HOXD8: variants seen among roughly 807,000 people sequenced by gnomAD.
HOXD8 encodes homeobox D8.
A neutral mutation model predicts 25.4 loss-of-function variants in HOXD8; 17 were observed. The observed-to-expected ratio is 0.67, with a 90% CI of 0.46 to 1.00. The LOEUF (loss-of-function observed/expected upper bound fraction) is 1.00, where lower values mean the gene tolerates loss of function less well. Among genes scored for constraint, HOXD8 ranks in the 50% least tolerant of loss-of-function variants. HOXD8 has a pLI of 0.00. For missense variants in HOXD8, 511 were observed against 398.5 expected (o/e 1.28, Z -2.40); for synonymous variants, 203 against 175.3 (o/e 1.16, Z -1.25).
In HOXD8 at chr2:176,131,322, C is replaced by T. The variant is rs1187898745; in HGVS notation, c.583C>T (p.Pro195Ser). The change falls in exon 2 of 2, where the codon CCT (proline) becomes TCT (serine). Residue 195 changes from proline (P) to serine (S), a missense_variant. By Grantham distance (74) the Pro-to-Ser change is moderately conservative. Coordinates refer to ENST00000313173, the MANE Select transcript of HOXD8 (RefSeq NM_019558.4). ...MFPWMRPQAA[P>S]GRRRGRQTYS... ...TTTTTTTTTGTTTTAATCAGCAGCT[C>T]CTGGTAGACGAAGAGGAAGACAAAC... The T allele has an allele frequency of 3.8e-6, 6 of 1,564,948 alleles. No individual in the cohort carries two copies. Among genetic ancestry groups the T allele is most frequent in the Non-Finnish European group, 5.2e-6 (6 of 1,158,974 alleles).
At position 176,130,622 on chromosome 2, in the gene HOXD8, A is replaced by G. The variant is rs1459670649; in HGVS notation, c.256A>G (p.Arg86Gly). The G allele has an allele frequency of 2.0e-6, 3 of 1,511,886 alleles. No individual in the cohort carries two copies. In the African/African-American group the frequency reaches 4.3e-5, roughly 22 times the overall value. 93.7% of individuals were successfully genotyped at this position (1,511,886 alleles called of 1,614,324 possible). The change falls in exon 1 of 2, where the codon AGG (arginine) becomes GGG (glycine). Residue 86 changes from arginine (R) to glycine (G), a missense_variant. Physicochemically the swap from Arg to Gly is moderately radical, Grantham distance 125. Transcript: ENST00000313173. Reference protein sequence around the residue: ...PPPSGTGCGGREGRGQEYFHP... With the variant: ...PPPSGTGCGGGEGRGQEYFHP... ...GCCCTCCGGGACTGGGTGCGGCGGT[A>G]GGGAAGGCCGGGGCCAGGAGTACTT...
Position 176,129,754 on chromosome 2 carries a change from T to G in HOXD8, c.-613T>G. ...CACGCTGACTTTCCGTGCAGTGCTGTGGTGCGAAAATGCCTCGCCGGTGCG... is the reference window on the plus strand; with the variant it reads ...CACGCTGACTTTCCGTGCAGTGCTGGGGTGCGAAAATGCCTCGCCGGTGCG... On this transcript the variant is annotated 5_prime_UTR_variant, in exon 1 of 2. Coordinates refer to ENST00000313173, the MANE Select transcript of HOXD8 (RefSeq NM_019558.4). The G allele has an allele frequency of 3.7e-6, 1 of 270,208 alleles. No individual in the cohort carries two copies. Among genetic ancestry groups the G allele is most frequent in the Non-Finnish European group, 7.7e-6 (1 of 129,780 alleles). The allele number at this position is 270,208 out of a possible 1,614,324, so 16.7% of individuals were successfully genotyped here. A position where few individuals can be genotyped will look rare whatever the true frequency, so the allele number is the denominator to read the frequency against.
Position 176,130,497 on chromosome 2 carries a change from A to C in HOXD8, c.131A>C (p.His44Pro). The change falls in exon 1 of 2, where the codon CAC becomes CCC. Residue 44 changes from histidine to proline, a missense_variant. Transcript: ENST00000313173. ...TTCGCGCCCGAGGTCGGCGGCCGTC[A>C]CGCCGCCGCCGCAGCAGCCCTGCAG... Reference protein sequence around the residue: ...CHFAPEVGGRHAAAAAALQLY... With the variant: ...CHFAPEVGGRPAAAAAALQLY... The C allele has an allele frequency of 2.0e-6, 3 of 1,491,074 alleles. No individual in the cohort carries two copies. Among genetic ancestry groups the C allele is most frequent in the Non-Finnish European group, 2.7e-6 (3 of 1,127,096 alleles). The allele number at this position is 1,491,074 out of a possible 1,614,324, so 92.4% of individuals were successfully genotyped here.
Position 176,131,716 on chromosome 2 carries a change from A to G in HOXD8, c.*104A>G, listed in dbSNP as rs1690119683. The G allele has an allele frequency of 4.5e-6, 3 of 669,036 alleles. No individual in the cohort carries two copies. Among genetic ancestry groups the G allele is most frequent in the Non-Finnish European group, 7.7e-6 (3 of 388,766 alleles). The allele number at this position is 669,036 out of a possible 1,614,324, so 41.4% of individuals were successfully genotyped here. ...TGGAAAGGACCTTACCTGTGTTTCA[A>G]GCTACCTTCATGTCACTGCTCTTGA... On this transcript the variant is annotated 3_prime_UTR_variant, in exon 2 of 2. Coordinates refer to ENST00000313173, the MANE Select transcript of HOXD8 (RefSeq NM_019558.4).
intron 1 of HOXD8, 100 bp downstream of exon 1, chr2:176,131,043 CCTT>C: frequency 1.2e-6 from 1 of 831,862 alleles, no homozygotes; most frequent in South Asian, 1.8e-5. Flanking sequence ...CCCTCCTTTT[CCTT>C]CTTGTGTAGC....
Position 176,130,783 on chromosome 2 carries a change from C to G in HOXD8, c.417C>G (p.Tyr139Ter). The change falls in exon 1 of 2, where the codon TAC (tyrosine) becomes TAG (stop). Residue 139 changes from tyrosine (Y) to a stop codon, truncating the protein, a stop_gained. Coordinates refer to ENST00000313173, the MANE Select transcript of HOXD8 (RefSeq NM_019558.4). LOFTEE classifies it high-confidence loss of function. ...GGGAGCCCGCGAAGTTTTACGGATACGATAACTTACAGAGACAGCCGATTT... is the reference window on the plus strand; with the variant it reads ...GGGAGCCCGCGAAGTTTTACGGATAGGATAACTTACAGAGACAGCCGATTT... ...CHGEPAKFYG[Y>*]DNLQRQPIFT... is the part of the protein sequence containing the mutation. 2 of 1,612,246 alleles carry G rather than the reference C, an allele frequency of 1.2e-6. No homozygotes were observed. The highest frequency in any genetic ancestry group is 1.7e-6 in the Non-Finnish European group (2 of 1,179,348).
In HOXD8 at chr2:176,130,328, G is replaced by T; in HGVS notation, c.-39G>T. 1 of 1,345,580 alleles carries T rather than the reference G, an allele frequency of 7.4e-7. No individual in the cohort carries two copies. The highest frequency in any genetic ancestry group is 3.2e-5 in the East Asian group (1 of 31,740). 83.4% of individuals were successfully genotyped at this position (1,345,580 alleles called of 1,614,324 possible). A position where few individuals can be genotyped will look rare whatever the true frequency, so the allele number is the denominator to read the frequency against. On this transcript the variant is annotated 5_prime_UTR_variant, in exon 1 of 2. Coordinates refer to ENST00000313173, the MANE Select transcript of HOXD8 (RefSeq NM_019558.4). ...GAGGCTCGCTCTCTGGCTGCTTAGC[G>T]CCGCCCGCCCGCCCGGGGCCGCCGC...
rs1030301435 is a variant in HOXD8 at position 176,130,493 on chromosome 2, C to T, written c.127C>T (p.Arg43Cys). The T allele has an allele frequency of 1.6e-4, 241 of 1,491,464 alleles. No individual in the cohort carries two copies. Among genetic ancestry groups the T allele is most frequent in the Non-Finnish European group, 2.0e-4 (225 of 1,127,354 alleles). 92.4% of individuals were successfully genotyped at this position (1,491,464 alleles called of 1,614,324 possible). A position where few individuals can be genotyped will look rare whatever the true frequency, so the allele number is the denominator to read the frequency against. Residue 43 changes from arginine (R) to cysteine (C), a missense_variant, in exon 1 of 2, where the codon CGT (arginine) becomes TGT (cysteine). By Grantham distance (180) the Arg-to-Cys change is radical. Transcript: ENST00000313173. ...DCHFAPEVGGRHAAAAAALQL... is the reference protein window; with the variant it reads ...DCHFAPEVGGCHAAAAAALQL... ...TCACTTCGCGCCCGAGGTCGGCGGC[C>T]GTCACGCCGCCGCCGCAGCAGCCCT...
At position 176,130,550 on chromosome 2, in the gene HOXD8, C is replaced by T. The variant is rs1690069768; in HGVS notation, c.184C>T (p.Pro62Ser). 6.8e-7 allele frequency: 1 copy of T among 1,470,014 alleles called. No individual in the cohort carries two copies. Among genetic ancestry groups the T allele is most frequent in the Middle Eastern group, 1.8e-4 (1 of 5,510 alleles). The allele number at this position is 1,470,014 out of a possible 1,614,324, so 91.1% of individuals were successfully genotyped here. Reference sequence around the variant, plus strand: ...CTATGGCAACAGCGCCGCCGGCTTCCCGCACGCGCCCCCGCAGGCGCACGC... The same window carrying T: ...CTATGGCAACAGCGCCGCCGGCTTCTCGCACGCGCCCCCGCAGGCGCACGC... ...QLYGNSAAGF[P>S]HAPPQAHAHP... The change falls in exon 1 of 2, where the codon CCG becomes TCG. Residue 62 changes from proline (P) to serine (S), a missense_variant. Pro to Ser is a moderately conservative substitution (Grantham distance 74). Coordinates refer to ENST00000313173, the MANE Select transcript of HOXD8 (RefSeq NM_019558.4).
Position 176,130,896 on chromosome 2 carries a change from A to C in HOXD8, c.530A>C (p.Asn177Thr). The C allele has an allele frequency of 6.2e-7, 1 of 1,607,874 alleles. No homozygotes were observed. Among genetic ancestry groups the C allele is most frequent in the East Asian group, 2.3e-5 (1 of 44,220 alleles). Residue 177 changes from asparagine to threonine, a missense_variant, in exon 1 of 2, where the codon AAT becomes ACT. Transcript: ENST00000313173. ...ATTGGCGAGGACCCAGACCACTTAAATCAGAGCTCGTCTCCTTCTCAAATG... is the reference window on the plus strand; with the variant it reads ...ATTGGCGAGGACCCAGACCACTTAACTCAGAGCTCGTCTCCTTCTCAAATG... ...GNIGEDPDHLNQSSSPSQMFP... is the reference protein window; with the variant it reads ...GNIGEDPDHLTQSSSPSQMFP...
In HOXD8 at chr2:176,131,628, T is replaced by C; in HGVS notation, c.*16T>C. 7.4e-7 allele frequency: 1 copy of C among 1,360,342 alleles called. No individual in the cohort carries two copies. Among genetic ancestry groups the C allele is most frequent in the Non-Finnish European group, 1.0e-6 (1 of 972,286 alleles). 84.3% of individuals were successfully genotyped at this position (1,360,342 alleles called of 1,614,324 possible). On this transcript the variant is annotated 3_prime_UTR_variant, in exon 2 of 2. Transcript: ENST00000313173. ...GACAAATTAACTTCTACCTTTAAAA[T>C]TTACCACAGACTATTAAAACTAATA... is the stretch of plus-strand genomic sequence containing the variant.
Position 176,129,849 on chromosome 2 carries a change from AGGT to A in HOXD8, c.-515_-513del, listed in dbSNP as rs1190703852. The A allele has an allele frequency of 1.5e-5, 4 of 260,352 alleles. No homozygotes were observed. Among genetic ancestry groups the A allele is most frequent in the Non-Finnish European group, 3.0e-5 (4 of 132,438 alleles). The allele number at this position is 260,352 out of a possible 1,614,324, so 16.1% of individuals were successfully genotyped here. On this transcript the variant is annotated 5_prime_UTR_variant, in exon 1 of 2. Transcript: ENST00000313173. ...GGGGGCGCGGGGGGGGCGCGGTAAG[AGGT>A]GGCGGCGGGCAGAGGGTGTTTTTTT...
In HOXD8 at chr2:176,130,359, ACG is replaced by A; in HGVS notation, c.-6_-5del. On this transcript the variant is annotated 5_prime_UTR_variant, in exon 1 of 2. Coordinates refer to ENST00000313173, the MANE Select transcript of HOXD8 (RefSeq NM_019558.4). ...CGCCCGCCCGGGGCCGCCGCCGCTG[ACG>A]CCCCAATGAGTTCGTACTTCGTGAA... 1 of 1,399,572 alleles carries A rather than the reference ACG, an allele frequency of 7.1e-7. No homozygotes were observed. Among genetic ancestry groups the A allele is most frequent in the Non-Finnish European group, 9.2e-7 (1 of 1,087,532 alleles). The allele number at this position is 1,399,572 out of a possible 1,614,324, so 86.7% of individuals were successfully genotyped here. A position where few individuals can be genotyped will look rare whatever the true frequency, so the allele number is the denominator to read the frequency against.
Position 176,130,621 on chromosome 2 carries a change from T to C in HOXD8, c.255T>C (p.Gly85=). 6.6e-7 allele frequency: 1 copy of C among 1,511,526 alleles called. No individual in the cohort carries two copies. Among genetic ancestry groups the C allele is most frequent in the Non-Finnish European group, 8.8e-7 (1 of 1,141,980 alleles). 93.6% of individuals were successfully genotyped at this position (1,511,526 alleles called of 1,614,324 possible). A position where few individuals can be genotyped will look rare whatever the true frequency, so the allele number is the denominator to read the frequency against. Residue 85 remains glycine (G), a synonymous_variant, in exon 1 of 2, where the codon GGT becomes GGC. Coordinates refer to ENST00000313173, the MANE Select transcript of HOXD8 (RefSeq NM_019558.4). ...SPPPSGTGCG[G]REGRGQEYFH... ...CGCCCTCCGGGACTGGGTGCGGCGG[T>C]AGGGAAGGCCGGGGCCAGGAGTACT...
At position 176,129,814 on chromosome 2, in the gene HOXD8, T is replaced by A. The variant is rs566125600; in HGVS notation, c.-553T>A. ...GGCAGCCTCGGCGGCGGGGGCGAGA[T>A]TGGCGGGAGGGGGGCGCGGGGGGGG... On this transcript the variant is annotated 5_prime_UTR_variant, in exon 1 of 2. In the 5' UTR this introduces an upstream ATG that the reference lacks. Coordinates refer to ENST00000313173, the MANE Select transcript of HOXD8 (RefSeq NM_019558.4). 1 of 228,360 alleles carries A rather than the reference T, an allele frequency of 4.4e-6. No individual in the cohort carries two copies. Among genetic ancestry groups the A allele is most frequent in the East Asian group, 1.7e-4 (1 of 5,726 alleles). 14.1% of individuals were successfully genotyped at this position (228,360 alleles called of 1,614,324 possible).
intron 1 of HOXD8, 21 bp downstream of exon 1, chr2:176,130,964 TAAG>T (rs1327142967): frequency 6.9e-7 from 1 of 1,453,812 alleles, no homozygotes; most frequent in East Asian, 2.5e-5. Flanking sequence ...ATTTTTTTTT[TAAG>T]AAGGGAGAGG....
chr2:176,130,608 C>T lies in HOXD8; in HGVS notation c.242C>T (p.Thr81Ile), dbSNP rs780716617. Residue 81 changes from threonine to isoleucine, a missense_variant, in exon 1 of 2, where the codon ACT (threonine) becomes ATT (isoleucine). By Grantham distance (89) the Thr-to-Ile change is moderately conservative. Coordinates refer to ENST00000313173, the MANE Select transcript of HOXD8 (RefSeq NM_019558.4). ...CACCCGTCCCCGCCGCCCTCCGGGA[C>T]TGGGTGCGGCGGTAGGGAAGGCCGG... The part of the protein sequence containing the change: ...HPHPSPPPSG[T>I]GCGGREGRGQ... The T allele has an allele frequency of 2.7e-5, 41 of 1,492,876 alleles. No individual in the cohort carries two copies. The South Asian group carries it at 5.2e-4, about 19-fold the overall frequency. The allele number at this position is 1,492,876 out of a possible 1,614,324, so 92.5% of individuals were successfully genotyped here. A position where few individuals can be genotyped will look rare whatever the true frequency, so the allele number is the denominator to read the frequency against.
Position 176,130,480 on chromosome 2 carries a change from C to G in HOXD8, c.114C>G (p.Pro38=), listed in dbSNP as rs1314398373. Residue 38 remains proline, a synonymous_variant, in exon 1 of 2, where the codon CCC becomes CCG. Transcript: ENST00000313173. Reference sequence around the variant, plus strand: ...CTTACTACGACTGTCACTTCGCGCCCGAGGTCGGCGGCCGTCACGCCGCCG... The same window carrying G: ...CTTACTACGACTGTCACTTCGCGCCGGAGGTCGGCGGCCGTCACGCCGCCG... ...NPTYYDCHFA[P]EVGGRHAAAA... The G allele has an allele frequency of 2.0e-6, 3 of 1,491,650 alleles. No individual in the cohort carries two copies. The highest frequency in any genetic ancestry group is 2.9e-5 in the African/African-American group (2 of 68,596). 92.4% of individuals were successfully genotyped at this position (1,491,650 alleles called of 1,614,324 possible).
Position 176,129,756 on chromosome 2 carries a change from G to T in HOXD8, c.-611G>T. ...CGCTGACTTTCCGTGCAGTGCTGTG[G>T]TGCGAAAATGCCTCGCCGGTGCGCA... is the stretch of plus-strand genomic sequence containing the variant. On this transcript the variant is annotated 5_prime_UTR_variant, in exon 1 of 2. Transcript: ENST00000313173. 1 of 271,544 alleles carries T rather than the reference G, an allele frequency of 3.7e-6. No homozygotes were observed. Among genetic ancestry groups the T allele is most frequent in the Non-Finnish European group, 7.7e-6 (1 of 129,618 alleles). 16.8% of individuals were successfully genotyped at this position (271,544 alleles called of 1,614,324 possible).
Sources: allele counts gnomAD v4.1 joint callset, GRCh38; gene constraint gnomAD v4.1.1; transcripts MANE v1.5; gene names NCBI Gene and HGNC (gene_info 2026-07-23, HGNC 2026-07-21).